Variants in QDPR observed in about 807,000 individuals in gnomAD.
QDPR encodes the protein dihydropteridine reductase.
QDPR carries 23 observed loss-of-function variants against 31.7 expected under a neutral mutation model. That is an observed-to-expected ratio of 0.73 (90% CI 0.52 to 1.03). The LOEUF (loss-of-function observed/expected upper bound fraction) is 1.03, where lower values mean the gene tolerates loss of function less well. QDPR is among the 50% of genes least tolerant of loss of function. The probability of loss-of-function intolerance (pLI) is 0.00; values close to 1 mark genes in which losing one functional copy is unlikely to be tolerated. For missense variants in QDPR, 324 were observed against 323.8 expected (o/e 1.00, Z 0.00); for synonymous variants, 124 against 124.7 (o/e 0.99, Z 0.03).
At position 17,501,813 on chromosome 4, in the gene QDPR, T is replaced by C. The variant is rs1304546150; in HGVS notation, c.342A>G (p.Thr114=). 7 of 1,614,092 alleles carry C rather than the reference T, an allele frequency of 4.3e-6. No homozygotes were observed. The highest frequency in any genetic ancestry group is 1.7e-5 in the Admixed American group (1 of 60,010). ...CDLMWKQSIW[T]STISSHLATK... ...TAGCCAGATGGCTGGAGATGGTCGA[T>C]GTCCATATGCTCTGCTTCCACATCA... The change falls in exon 4 of 7, where the codon ACA becomes ACG. Residue 114 remains threonine (T), a synonymous_variant. Transcript: ENST00000281243.
At chr4:17,487,377 C>T in intron 6 of QDPR, 141 bp from the exon 7 acceptor site, 1 of 701,628 alleles carries the variant, frequency 1.4e-6, no homozygotes. Context: ...GGGCTGGGCG[C>T]CATGGCTCAC....
chr4:17,508,904 A>G (rs1178208153), intron 2 of QDPR, among the ~76,000 whole-genome samples: 1 of 152,218 alleles, frequency 6.6e-6, no homozygotes, highest in African/African-American at 2.4e-5. Context: ...CATGCCTGTA[A>G]TCCGAGCACT....
chr4:17,495,197 G>A (rs1718309018), intron 4 of QDPR, among the ~76,000 whole-genome samples: 1 of 152,158 alleles, frequency 6.6e-6, no homozygotes, highest in Admixed American at 6.5e-5. Context: ...GGCATGACGG[G>A]GATGGTGACA....
chr4:17,497,489 G>A (rs570849667), intron 4 of QDPR, among the ~76,000 whole-genome samples: 15 of 145,702 alleles, frequency 1.0e-4, no homozygotes, highest in East Asian at 3.9e-4. Context: ...CCTTGCTGCC[G>A]GAGGAGGCTC....
At chr4:17,504,270 C>A in intron 3 of QDPR, 109 bp downstream of exon 3, 1 of 876,620 alleles carries the variant, frequency 1.1e-6, no homozygotes, top group East Asian at 2.5e-5. Context: ...GTAAAGATTC[C>A]GGGATATACA....
chr4:17,510,046 C>A (rs768400142), intron 1 of QDPR: 2 of 442,994 alleles, frequency 4.5e-6, no homozygotes, highest in Non-Finnish European at 9.0e-6. Context: ...AATAAATCTT[C>A]AGAGCTGAAA....
chr4:17,501,756 G>T lies in QDPR; in HGVS notation c.399C>A (p.Thr133=). 1 of 1,614,186 alleles carries T rather than the reference G, an allele frequency of 6.2e-7. No homozygotes were observed. The highest frequency in any genetic ancestry group is 8.5e-7 in the Non-Finnish European group (1 of 1,180,032). The change falls in exon 4 of 7, where the codon ACC becomes ACA. Residue 133 remains threonine, a synonymous_variant. Coordinates refer to ENST00000281243, the MANE Select transcript of QDPR (RefSeq NM_000320.3). ...TKHLKEGGLL[T]LAGAKAALDG... ...CCAGGGCAGCCTTTGCGCCAGCCAA[G>T]GTCAGGAGGCCTCCTTCCTTGAGAT...
rs567518608 is a variant in QDPR at position 17,504,558 on chromosome 4, T to C, written c.199-83A>G. 428 of 1,146,682 alleles carry C rather than the reference T, an allele frequency of 3.7e-4. 3 individuals are homozygous for C. Among genetic ancestry groups the C allele is most frequent in the Non-Finnish European group, 5.1e-4 (386 of 759,312 alleles). The allele number at this position is 1,146,682 out of a possible 1,614,324, so 71.0% of individuals were successfully genotyped here. On this transcript the variant is annotated intron_variant, in intron 2 of 6. Transcript: ENST00000281243. ...ATCTTTACGGATACTCAGTTTCTTTTTCTCTTCTTTTTAAGCCAGTTTACA... is the reference window on the plus strand; with the variant it reads ...ATCTTTACGGATACTCAGTTTCTTTCTCTCTTCTTTTTAAGCCAGTTTACA...
rs1162030200 is a variant in QDPR, at chr4:17,486,862, G to A, written c.*269C>T. The A allele has an allele frequency of 8.2e-6, 4 of 486,964 alleles. No homozygotes were observed. The highest frequency in any genetic ancestry group is 7.6e-5 in the East Asian group (2 of 26,208). The allele number at this position is 486,964 out of a possible 1,614,324, so 30.2% of individuals were successfully genotyped here. A position where few individuals can be genotyped will look rare whatever the true frequency, so the allele number is the denominator to read the frequency against. ...CACAAAAGCGATCCAACATGACACC[G>A]CTATAGCAGGTGCTATGCAGAGCCC... On this transcript the variant is annotated 3_prime_UTR_variant, in exon 7 of 7. Coordinates refer to ENST00000281243, the MANE Select transcript of QDPR (RefSeq NM_000320.3).
intron 6 of QDPR, among the ~76,000 whole-genome samples, chr4:17,487,573 G>C (rs1175301833): frequency 6.6e-6 from 1 of 152,162 alleles, no homozygotes; most frequent in Non-Finnish European, 1.5e-5. Flanking sequence ...TTGCACCCGG[G>C]AAGCAGAGGT....
chr4:17,491,408 G>A (rs1289032808), intron 5 of QDPR, among the ~76,000 whole-genome samples: 1 of 152,182 alleles, frequency 6.6e-6, no homozygotes, highest in Non-Finnish European at 1.5e-5. Context: ...CAAGAGGCAA[G>A]CCTGCTGGTG....
At chr4:17,492,790 A>G (rs1718215325) in intron 4 of QDPR, among the ~76,000 whole-genome samples, 1 of 152,234 alleles carries the variant, frequency 6.6e-6, no homozygotes, top group South Asian at 2.1e-4. Flanking sequence ...CCAAGACTCA[A>G]GACAGGTTGA....
chr4:17,496,275 G>A (rs368368458), intron 4 of QDPR, among the ~76,000 whole-genome samples: 35 of 151,620 alleles, frequency 2.3e-4, no homozygotes, highest in Admixed American at 1.7e-3. Flanking sequence ...GGGAAACTCC[G>A]TCTCTACTAA....
Position 17,500,014 on chromosome 4 carries a change from T to C in QDPR, c.436+1705A>G, listed in dbSNP as rs535909266. Among the ~76,000 whole-genome samples, 968 of 151,992 alleles carry C rather than the reference T, an allele frequency of 6.4e-3. 6 individuals are homozygous for C. Among genetic ancestry groups the C allele is most frequent in the African/African-American group, 0.022 (897 of 41,484 alleles). On this transcript the variant is annotated intron_variant, in intron 4 of 6. Transcript: ENST00000281243. ...TTTTTTTTCTTTTGAGAGGGAGTCT[T>C]GCTCTGTTGCCCAGGCTGGAGTGCA...
intron 2 of QDPR, among the ~76,000 whole-genome samples, chr4:17,507,060 T>C (rs964100426): frequency 6.6e-6 from 1 of 152,222 alleles, no homozygotes; most frequent in African/African-American, 2.4e-5. Flanking sequence ...CATACATGCA[T>C]CACTTCTAAA....
intron 3 of QDPR, among the ~76,000 whole-genome samples, chr4:17,503,383 A>C (rs1255331507): frequency 6.6e-6 from 1 of 152,226 alleles, no homozygotes; most frequent in Admixed American, 6.5e-5. Context: ...TTAATCTTAG[A>C]TAATCACTGT....
At position 17,501,815 on chromosome 4, in the gene QDPR, T is replaced by A; in HGVS notation, c.340A>T (p.Thr114Ser). Residue 114 changes from threonine (T) to serine (S), a missense_variant, in exon 4 of 7, where the codon ACA (threonine) becomes TCA (serine). Thr to Ser is a moderately conservative substitution (Grantham distance 58). Transcript: ENST00000281243. The part of the protein sequence containing the change: ...CDLMWKQSIW[T>S]STISSHLATK... ...GCCAGATGGCTGGAGATGGTCGATG[T>A]CCATATGCTCTGCTTCCACATCAGG... 1 of 1,614,110 alleles carries A rather than the reference T, an allele frequency of 6.2e-7. No homozygotes were observed. Among genetic ancestry groups the A allele is most frequent in the South Asian group, 1.1e-5 (1 of 91,074 alleles).
At chr4:17,487,452 C>T (rs1272066618) in intron 6 of QDPR, among the ~76,000 whole-genome samples, 1 of 151,362 alleles carries the variant, frequency 6.6e-6, no homozygotes, top group African/African-American at 2.4e-5. Flanking sequence ...GAGTTCGAGA[C>T]CAGCCTGGCC....
At chr4:17,509,960 C>T (rs1718946821) in intron 1 of QDPR, 3 of 456,082 alleles carry the variant, frequency 6.6e-6, no homozygotes, top group Admixed American at 2.4e-5. Context: ...CATATGGTAT[C>T]TGTTGTTACT....
Sources: gnomAD v4.1 joint callset for allele counts (sites outside exome capture counted in the v4.1 genomes callset) on GRCh38, gnomAD v4.1.1 for gene constraint, MANE v1.5 for transcripts, NCBI Gene and HGNC (gene_info 2026-07-23, HGNC 2026-07-21) for gene names.